The following CD200R1 variants were observed in gnomAD, a reference collection of about 807,000 sequenced individuals.
CD200R1 encodes the protein cell surface glycoprotein CD200 receptor 1.
In CD200R1, 30 loss-of-function variants were observed where a neutral mutation model predicts 38.1. The ratio of observed to expected loss-of-function variants is 0.79; its 90% CI spans 0.59 to 1.07. The LOEUF (loss-of-function observed/expected upper bound fraction) is 1.07. Ranked by LOEUF, CD200R1 falls within the 50% of genes least tolerant of loss-of-function variation. CD200R1 has a pLI of 0.00. For missense variants in CD200R1, 372 were observed against 415.4 expected (o/e 0.90, Z 0.91); for synonymous variants, 128 against 152.1 (o/e 0.84, Z 1.16).
intron 1 of CD200R1, among the ~76,000 whole-genome samples, chr3:112,948,464 C>T (rs1039659843): frequency 1.5e-4 from 23 of 152,188 alleles, no homozygotes; most frequent in African/African-American, 5.6e-4. Flanking sequence ...TCGGATGAAA[C>T]TGTTACACCT....
chr3:112,931,113 G>T lies in CD200R1; in HGVS notation c.195C>A (p.Leu65=). ...KQITQNYSKV[L]AEVNTSWPVK... is the part of the protein sequence containing the mutation. ...AGTAAGGAAGCATATTACCTTCTGC[G>T]AGTACTTTCGAGTAGTTCTGTGTAA... The change falls in exon 3 of 8, where the codon CTC becomes CTA. Residue 65 remains leucine (L), a synonymous_variant. Transcript: ENST00000308611. The T allele has an allele frequency of 1.2e-6, 2 of 1,608,346 alleles. No individual in the cohort carries two copies. The highest frequency in any genetic ancestry group is 2.2e-5 in the South Asian group (2 of 90,952).
rs888080449 is a variant in CD200R1 at position 112,921,331 on chromosome 3, A to G, written c.*2346T>C. 2.6e-5 allele frequency: 4 copies of G among 152,076 alleles called. No individual in the cohort carries two copies. The highest frequency in any genetic ancestry group is 9.7e-5 in the African/African-American group (4 of 41,432). 9.4% of individuals were successfully genotyped at this position (152,076 alleles called of 1,614,324 possible). A position where few individuals can be genotyped will look rare whatever the true frequency, so the allele number is the denominator to read the frequency against. ...GCAAAATTTAACAAACTGTACACTT[A>G]AATATATCAATTATATCTCAGTAAA... is the stretch of plus-strand genomic sequence containing the variant. On this transcript the variant is annotated 3_prime_UTR_variant, in exon 8 of 8. Coordinates refer to ENST00000308611, the MANE Select transcript of CD200R1 (RefSeq NM_138806.4).
intron 1 of CD200R1, among the ~76,000 whole-genome samples, chr3:112,970,603 G>A (rs1190783888): frequency 6.6e-6 from 1 of 152,098 alleles, no homozygotes; most frequent in Non-Finnish European, 1.5e-5. Context: ...ACATTTTTCA[G>A]ACACAAATGG....
In CD200R1 at chr3:112,929,093, C is replaced by T. The variant is rs757306054; in HGVS notation, c.521-29G>A. On this transcript the variant is annotated intron_variant, in intron 4 of 7. Coordinates refer to ENST00000308611, the MANE Select transcript of CD200R1 (RefSeq NM_138806.4). Reference sequence around the variant, plus strand: ...CAGAGAGGAAAGAGGGAAAAAAATGCTTCGGTTTTCACATAAAGCATATGG... The same window carrying T: ...CAGAGAGGAAAGAGGGAAAAAAATGTTTCGGTTTTCACATAAAGCATATGG... The T allele has an allele frequency of 3.7e-5, 59 of 1,612,588 alleles. No individual in the cohort carries two copies. The East Asian group carries it at 1.1e-3, about 29-fold the overall frequency.
intron 2 of CD200R1, among the ~76,000 whole-genome samples, chr3:112,938,595 G>C (rs1940640325): frequency 6.6e-6 from 1 of 152,008 alleles, no homozygotes; most frequent in Non-Finnish European, 1.5e-5. Flanking sequence ...TGAGTAATGA[G>C]ATTGAATTAG....
At chr3:112,930,138 C>T (rs6808249) in intron 3 of CD200R1, among the ~76,000 whole-genome samples, 88,771 of 150,980 alleles carry the variant, frequency 0.59, 26,463 homozygotes, top group African/African-American at 0.69. Context: ...AACTATTATT[C>T]CACCAGTTGA....
At chr3:112,946,087 A>G (rs1244362227) in intron 2 of CD200R1, among the ~76,000 whole-genome samples, 1 of 152,140 alleles carries the variant, frequency 6.6e-6, no homozygotes, top group East Asian at 1.9e-4. Flanking sequence ...ACTAAAAAAA[A>G]AATACAGTCA....
intron 3 of CD200R1, 120 bp downstream of exon 3, chr3:112,930,986 G>A (rs1940419017): frequency 2.8e-6 from 2 of 704,400 alleles, no homozygotes; most frequent in South Asian, 3.3e-5. Context: ...ACAGTACTCA[G>A]ATCACCAAGT....
At chr3:112,969,008 A>T (rs900140646) in intron 1 of CD200R1, among the ~76,000 whole-genome samples, 44 of 152,308 alleles carry the variant, frequency 2.9e-4, no homozygotes, top group African/African-American at 9.9e-4. Flanking sequence ...TGACCCAGAC[A>T]CTCGCATTCT....
At chr3:112,970,752 A>G (rs150862225) in intron 1 of CD200R1, among the ~76,000 whole-genome samples, 3,000 of 152,264 alleles carry the variant, frequency 0.02, 54 homozygotes, top group Middle Eastern at 0.048. Flanking sequence ...AAACTCTCTC[A>G]TTTGTTCCCA....
At chr3:112,941,342 G>A (rs771811994) in intron 2 of CD200R1, among the ~76,000 whole-genome samples, 13 of 151,570 alleles carry the variant, frequency 8.6e-5, no homozygotes, top group Non-Finnish European at 1.5e-4. Flanking sequence ...TGAAGTGAAG[G>A]ATATGCCAAT....
intron 2 of CD200R1, among the ~76,000 whole-genome samples, chr3:112,944,325 G>A (rs1940793265): frequency 1.3e-5 from 2 of 151,890 alleles, no homozygotes; most frequent in South Asian, 2.1e-4. Flanking sequence ...AGATATGCAA[G>A]CCTGGCTCAA....
At position 112,923,251 on chromosome 3, in the gene CD200R1, T is replaced by C. The variant is rs1297057733; in HGVS notation, c.*426A>G. On this transcript the variant is annotated 3_prime_UTR_variant, in exon 8 of 8. Transcript: ENST00000308611. ...TCCCACTGGTGCCTTGACAAAGATA[T>C]GTGCATGTATATGTAAGGGGACACA... 6.5e-6 allele frequency: 1 copy of C among 153,652 alleles called. No individual in the cohort carries two copies. Among genetic ancestry groups the C allele is most frequent in the Non-Finnish European group, 1.4e-5 (1 of 69,150 alleles). 9.5% of individuals were successfully genotyped at this position (153,652 alleles called of 1,614,324 possible). A position where few individuals can be genotyped will look rare whatever the true frequency, so the allele number is the denominator to read the frequency against.
chr3:112,946,993 A>C (rs1210304060), intron 2 of CD200R1, among the ~76,000 whole-genome samples: 1 of 152,146 alleles, frequency 6.6e-6, no homozygotes, highest in Non-Finnish European at 1.5e-5. Flanking sequence ...ATGGGGGAAC[A>C]CTTAAATGCA....
intron 2 of CD200R1, among the ~76,000 whole-genome samples, chr3:112,938,426 T>C (rs959011522): frequency 6.6e-6 from 1 of 151,932 alleles, no homozygotes; most frequent in Non-Finnish European, 1.5e-5. Flanking sequence ...AAAGGAGACA[T>C]AATAACAGAG....
At chr3:112,972,661 C>T (rs1348285221) in intron 1 of CD200R1, among the ~76,000 whole-genome samples, 1 of 151,994 alleles carries the variant, frequency 6.6e-6, no homozygotes. Flanking sequence ...TTATTTTTCC[C>T]CTTAGGTTTT....
At chr3:112,933,687 TC>T (rs1172425376) in intron 2 of CD200R1, among the ~76,000 whole-genome samples, 1 of 151,824 alleles carries the variant, frequency 6.6e-6, no homozygotes, top group African/African-American at 2.4e-5. Flanking sequence ...AAAATAATAA[TC>T]TTAAGGAAAC....
chr3:112,925,153 A>G lies in CD200R1; in HGVS notation c.810T>C (p.Tyr270=). The G allele has an allele frequency of 6.2e-7, 1 of 1,606,228 alleles. No individual in the cohort carries two copies. The highest frequency in any genetic ancestry group is 8.5e-7 in the Non-Finnish European group (1 of 1,174,274). Residue 270 remains tyrosine, a synonymous_variant, in exon 6 of 8, where the codon TAT becomes TAC. Coordinates refer to ENST00000308611, the MANE Select transcript of CD200R1 (RefSeq NM_138806.4). ...AKKSAKLYIP[Y]IILTIIILTI... is the part of the protein sequence containing the mutation. Reference sequence around the variant, plus strand: ...TCAAAATAATAATAGTAAGGATGATATATGGAATATATAATTTTGCTGATT... The same window carrying G: ...TCAAAATAATAATAGTAAGGATGATGTATGGAATATATAATTTTGCTGATT...
At chr3:112,928,065 A>G (rs2107302242) in intron 5 of CD200R1, among the ~76,000 whole-genome samples, 1 of 152,334 alleles carries the variant, frequency 6.6e-6, no homozygotes, top group African/African-American at 2.4e-5. Flanking sequence ...CTCATCTACC[A>G]TAAGAAGTTG....
Sources: gnomAD v4.1 joint callset for allele counts (sites outside exome capture counted in the v4.1 genomes callset) on GRCh38, gnomAD v4.1.1 for gene constraint, MANE v1.5 for transcripts, NCBI Gene and HGNC (gene_info 2026-07-23, HGNC 2026-07-21) for gene names.